PPP1R9A: variants seen among roughly 807,000 people sequenced by gnomAD.
PPP1R9A encodes the protein protein phosphatase 1 regulatory subunit 9A, also known as neurabin-1.
A neutral mutation model predicts 141.9 loss-of-function variants in PPP1R9A; 59 were observed. That is an observed-to-expected ratio of 0.42 (90% confidence interval 0.34 to 0.52). The LOEUF (loss-of-function observed/expected upper bound fraction) is 0.52. Ranked by LOEUF, PPP1R9A falls within the 20% of genes least tolerant of loss-of-function variation. The pLI, the probability that PPP1R9A is intolerant of heterozygous loss-of-function variation, is 0.10. For synonymous variants in PPP1R9A, 500 were observed against 569.7 expected (o/e 0.88, Z 1.74); for missense variants, 1,444 against 1,611.9 (o/e 0.90, Z 1.78).
At chr7:95,277,649 A>G (rs960899440) in intron 16 of PPP1R9A, among the ~76,000 whole-genome samples, 15 of 150,984 alleles carry the variant, frequency 9.9e-5, no homozygotes, top group African/African-American at 2.4e-4. Flanking sequence ...CTGTTGTTGA[A>G]CTCCTGGGCT....
chr7:95,095,388 C>A (rs927516469), intron 2 of PPP1R9A, among the ~76,000 whole-genome samples: 1 of 152,136 alleles, frequency 6.6e-6, no homozygotes, highest in African/African-American at 2.4e-5. Context: ...CCAGATTTGA[C>A]CATTAATCCT....
chr7:95,225,039 G>A (rs543776843), intron 7 of PPP1R9A, among the ~76,000 whole-genome samples: 1 of 152,206 alleles, frequency 6.6e-6, no homozygotes, highest in Admixed American at 6.6e-5. Context: ...GCTGCCAGGA[G>A]AGGATCTACT....
At chr7:95,050,198 A>G (rs898099507) in intron 2 of PPP1R9A, among the ~76,000 whole-genome samples, 1 of 152,164 alleles carries the variant, frequency 6.6e-6, no homozygotes, top group Non-Finnish European at 1.5e-5. Context: ...TGTAGTGGGT[A>G]TCATGTTGTT....
At chr7:95,175,372 A>G (rs1465787128) in intron 5 of PPP1R9A, among the ~76,000 whole-genome samples, 1 of 152,036 alleles carries the variant, frequency 6.6e-6, no homozygotes, top group Admixed American at 6.6e-5. Flanking sequence ...AATTTAATTT[A>G]TGTTGCATAC....
At chr7:94,926,763 G>C (rs879688385) in intron 2 of PPP1R9A, among the ~76,000 whole-genome samples, 6 of 151,382 alleles carry the variant, frequency 4.0e-5, no homozygotes, top group Admixed American at 3.9e-4. Context: ...AAATGTGCTT[G>C]GTTTTAATTC....
At chr7:95,145,375 A>C (rs760262387) in intron 4 of PPP1R9A, among the ~76,000 whole-genome samples, 11 of 152,258 alleles carry the variant, frequency 7.2e-5, no homozygotes, top group Non-Finnish European at 1.3e-4. Context: ...GCAAATAAGC[A>C]TGAGAATGAG....
intron 2 of PPP1R9A, among the ~76,000 whole-genome samples, chr7:94,987,203 C>A (rs866899294): frequency 2.0e-5 from 3 of 152,172 alleles, no homozygotes; most frequent in East Asian, 3.8e-4. Context: ...CTCTTTTAAA[C>A]CTAGCTTTGG....
intron 5 of PPP1R9A, among the ~76,000 whole-genome samples, chr7:95,174,455 A>T (rs1395070498): frequency 1.3e-5 from 2 of 152,176 alleles, no homozygotes; most frequent in Non-Finnish European, 2.9e-5. Context: ...ACAACTATGT[A>T]TACATTTATC....
chr7:95,171,784 T>C (rs1001523661), intron 5 of PPP1R9A, among the ~76,000 whole-genome samples: 3 of 151,612 alleles, frequency 2.0e-5, no homozygotes, highest in Non-Finnish European at 4.4e-5. Context: ...TTTCAGAACA[T>C]AGAAGATGGT....
At chr7:95,016,665 A>G (rs1184194973) in intron 2 of PPP1R9A, among the ~76,000 whole-genome samples, 1 of 152,160 alleles carries the variant, frequency 6.6e-6, no homozygotes, top group East Asian at 1.9e-4. Flanking sequence ...AAATTAGGAA[A>G]TTCTTCAAAC....
intron 4 of PPP1R9A, among the ~76,000 whole-genome samples, chr7:95,153,031 A>G (rs1240360229): frequency 1.3e-5 from 2 of 151,716 alleles, no homozygotes; most frequent in Non-Finnish European, 2.9e-5. Context: ...TTTATTTTTA[A>G]TAGAGGTAGA....
At chr7:94,992,184 TC>T (rs1801600254) in intron 2 of PPP1R9A, among the ~76,000 whole-genome samples, 1 of 152,238 alleles carries the variant, frequency 6.6e-6, no homozygotes, top group Admixed American at 6.5e-5. Context: ...CTGATACGCT[TC>T]CTGTCATAAT....
chr7:95,261,479 ATAC>A (rs1372012409), intron 12 of PPP1R9A, among the ~76,000 whole-genome samples: 1 of 152,182 alleles, frequency 6.6e-6, no homozygotes, highest in African/African-American at 2.4e-5. Flanking sequence ...GAACATAGGT[ATAC>A]CAAAAAACAC....
intron 2 of PPP1R9A, among the ~76,000 whole-genome samples, chr7:95,056,819 A>G (rs1294310848): frequency 6.6e-6 from 1 of 152,122 alleles, no homozygotes; most frequent in African/African-American, 2.4e-5. Flanking sequence ...CCTAAGAAAA[A>G]ATGATTCAAT....
chr7:94,981,442 G>A (rs1188595890), intron 2 of PPP1R9A, among the ~76,000 whole-genome samples: 1 of 152,140 alleles, frequency 6.6e-6, no homozygotes, highest in Admixed American at 6.6e-5. Context: ...GTTTCACCAT[G>A]TTGGCCAGGC....
chr7:95,283,658 G>T (rs1301186252), intron 16 of PPP1R9A, among the ~76,000 whole-genome samples: 1 of 152,188 alleles, frequency 6.6e-6, no homozygotes, highest in Non-Finnish European at 1.5e-5. Flanking sequence ...AATGTCCCTA[G>T]CTGTGAGGCA....
chr7:95,185,388 T>G (rs1274448235), intron 5 of PPP1R9A, among the ~76,000 whole-genome samples: 3 of 151,838 alleles, frequency 2.0e-5, no homozygotes, highest in Non-Finnish European at 4.4e-5. Context: ...ATTTTTTTTT[T>G]GTCTTACTGA....
intron 16 of PPP1R9A, among the ~76,000 whole-genome samples, chr7:95,280,615 A>C (rs1804020491): frequency 6.6e-6 from 1 of 152,210 alleles, no homozygotes; most frequent in African/African-American, 2.4e-5. Flanking sequence ...TCTTTCTCCC[A>C]GTTCCTAGGA....
At chr7:95,188,858 A>C (rs993181422) in intron 5 of PPP1R9A, among the ~76,000 whole-genome samples, 1 of 151,870 alleles carries the variant, frequency 6.6e-6, no homozygotes, top group Non-Finnish European at 1.5e-5. Context: ...CAGCCTCCCA[A>C]AGAATACTTT....
Sources: gnomAD v4.1 joint callset for allele counts (sites outside exome capture counted in the v4.1 genomes callset) on GRCh38, gnomAD v4.1.1 for gene constraint, MANE v1.5 for transcripts, NCBI Gene and HGNC (gene_info 2026-07-23, HGNC 2026-07-21) for gene names.